The following MYL12B variants were observed in gnomAD, a reference collection of about 807,000 sequenced individuals.
MYL12B encodes the protein myosin regulatory light chain 12B.
A neutral mutation model predicts 12.9 loss-of-function variants in MYL12B; 3 were observed. That is an observed-to-expected ratio of 0.23 (90% CI 0.11 to 0.60). The LOEUF (loss-of-function observed/expected upper bound fraction) is 0.60. MYL12B is among the 20% of genes least tolerant of loss of function. MYL12B has a pLI of 0.89. For missense variants in MYL12B, 120 were observed against 215.4 expected (o/e 0.56, Z 2.77); for synonymous variants, 57 against 71.9 (o/e 0.79, Z 1.05).
intron 1 of MYL12B, among the ~76,000 whole-genome samples, chr18:3,266,116 A>G (rs1389394740): frequency 1.3e-5 from 2 of 152,058 alleles, no homozygotes; most frequent in African/African-American, 2.4e-5. Flanking sequence ...ACAATGAACA[A>G]TTTTTGAGGG....
intron 2 of MYL12B, chr18:3,277,038 C>T: frequency 1.0e-6 from 1 of 969,418 alleles, no homozygotes; most frequent in Non-Finnish European, 1.2e-6. Context: ...AATAAATAAC[C>T]TTCAATATAA....
At chr18:3,270,942 G>T (rs1159640685) in intron 1 of MYL12B, among the ~76,000 whole-genome samples, 1 of 152,196 alleles carries the variant, frequency 6.6e-6, no homozygotes, top group Non-Finnish European at 1.5e-5. Flanking sequence ...AAAGTGTTGA[G>T]ATTATAGGTG....
intron 2 of MYL12B, 42 bp from the exon 3 acceptor site, chr18:3,277,211 A>C: frequency 6.8e-7 from 1 of 1,472,116 alleles, no homozygotes; most frequent in Non-Finnish European, 9.1e-7. Context: ...TATTGAAATT[A>C]AATGTTTTTG....
intron 1 of MYL12B, 121 bp from the exon 2 acceptor site, chr18:3,272,763 A>T: frequency 2.2e-6 from 2 of 906,922 alleles, no homozygotes; most frequent in East Asian, 5.5e-5. Context: ...TTCCTACCCA[A>T]TTGAAGTAAT....
At chr18:3,273,479 A>T (rs1437691678) in intron 2 of MYL12B, among the ~76,000 whole-genome samples, 1 of 152,202 alleles carries the variant, frequency 6.6e-6, no homozygotes, top group Non-Finnish European at 1.5e-5. Flanking sequence ...AAGGAGGGGC[A>T]GTGCGACTGG....
intron 1 of MYL12B, among the ~76,000 whole-genome samples, chr18:3,264,772 C>CAA (rs1178805777): frequency 6.6e-6 from 1 of 152,062 alleles, no homozygotes; most frequent in African/African-American, 2.4e-5. Flanking sequence ...ATAAGAAGTT[C>CAA]AAAAACAAAA....
chr18:3,277,951 A>G lies in MYL12B; in HGVS notation c.*14A>G, dbSNP rs1440242782. 6.2e-7 allele frequency: 1 copy of G among 1,611,514 alleles called. No individual in the cohort carries two copies. The highest frequency in any genetic ancestry group is 1.3e-5 in the African/African-American group (1 of 74,942). ...AAAGATGACTGAAAGAACTTTAGCT[A>G]AAATCTTCCAGTTACATTGTCTTAC... On this transcript the variant is annotated 3_prime_UTR_variant, in exon 4 of 4. Transcript: ENST00000237500.
chr18:3,264,375 C>G (rs1478462100), intron 1 of MYL12B, among the ~76,000 whole-genome samples: 1 of 152,140 alleles, frequency 6.6e-6, no homozygotes, highest in African/African-American at 2.4e-5. Flanking sequence ...CTGCTAAGTT[C>G]TGCAGTCCAA....
intron 1 of MYL12B, among the ~76,000 whole-genome samples, chr18:3,272,583 C>G (rs1380616429): frequency 6.6e-6 from 1 of 152,162 alleles, no homozygotes; most frequent in Non-Finnish European, 1.5e-5. Context: ...AGGCAAGTCT[C>G]GAACTCCTAG....
At chr18:3,265,961 G>C (rs1202656610) in intron 1 of MYL12B, among the ~76,000 whole-genome samples, 4 of 152,152 alleles carry the variant, frequency 2.6e-5, no homozygotes, top group Non-Finnish European at 1.5e-5. Flanking sequence ...AAATTTGACT[G>C]CGGTCCCTTG....
At chr18:3,262,768 A>G (rs34603712) in intron 1 of MYL12B, 87,349 of 152,426 alleles carry the variant, frequency 0.57, 28,267 homozygotes, top group Non-Finnish European at 0.72. Context: ...TGAAGCCTCC[A>G]AGGAAGCCAT....
intron 2 of MYL12B, among the ~76,000 whole-genome samples, chr18:3,275,721 T>G (rs888507237): frequency 2.6e-5 from 4 of 152,220 alleles, no homozygotes; most frequent in Non-Finnish European, 5.9e-5. Context: ...TTTAAATCCC[T>G]GTAACTTTTT....
intron 1 of MYL12B, among the ~76,000 whole-genome samples, chr18:3,269,534 T>G (rs1215809345): frequency 8.6e-5 from 13 of 151,758 alleles, no homozygotes; most frequent in Admixed American, 6.6e-4. Context: ...AGGGGAGAGA[T>G]AATTGAGTTT....
At chr18:3,272,187 T>A in intron 1 of MYL12B, 1 of 978,456 alleles carries the variant, frequency 1.0e-6, no homozygotes, top group South Asian at 4.7e-5. Context: ...TGACTAGTCT[T>A]TTTACATATG....
intron 1 of MYL12B, among the ~76,000 whole-genome samples, chr18:3,267,397 A>G (rs931168511): frequency 3.9e-5 from 6 of 152,240 alleles, no homozygotes; most frequent in African/African-American, 1.2e-4. Context: ...TGAAGTATAT[A>G]GACAATTTCT....
rs530928988 is a variant in MYL12B at position 3,270,453 on chromosome 18, G to GT, written c.-15-2430dup. Among the ~76,000 whole-genome samples the GT allele has an allele frequency of 3.2e-3, 486 of 152,060 alleles. 1 individual carries two copies. Among genetic ancestry groups the GT allele is most frequent in the Non-Finnish European group, 5.1e-3 (349 of 68,004 alleles). Reference sequence around the variant, plus strand: ...CTTGCCTTCTGTTTCCTTCTCTTGGGTGTCACCATCAGATGGTGATGGCTC... The same window carrying GT: ...CTTGCCTTCTGTTTCCTTCTCTTGGGTTGTCACCATCAGATGGTGATGGCTC... On this transcript the variant is annotated intron_variant, in intron 1 of 3. Coordinates refer to ENST00000237500, the MANE Select transcript of MYL12B (RefSeq NM_033546.4).
chr18:3,272,473 C>T (rs1414927789), intron 1 of MYL12B, among the ~76,000 whole-genome samples: 1 of 152,218 alleles, frequency 6.6e-6, no homozygotes, highest in African/African-American at 2.4e-5. Context: ...TAAATTCTCA[C>T]TTCATAAAAA....
At position 3,273,118 on chromosome 18, in the gene MYL12B, A is replaced by T. The variant is rs1158993442; in HGVS notation, c.184+36A>T. On this transcript the variant is annotated intron_variant, in intron 2 of 3. Coordinates refer to ENST00000237500, the MANE Select transcript of MYL12B (RefSeq NM_033546.4). ...TATTCTTTATTTGTATTTTCCCTAAAATAATAATTTGTCTCTTTATGAATC... is the reference window on the plus strand; with the variant it reads ...TATTCTTTATTTGTATTTTCCCTAATATAATAATTTGTCTCTTTATGAATC... 3 of 1,521,122 alleles carry T rather than the reference A, an allele frequency of 2.0e-6. No individual in the cohort carries two copies. The African/African-American group carries it at 4.2e-5, about 21-fold the overall frequency. The allele number at this position is 1,521,122 out of a possible 1,614,324, so 94.2% of individuals were successfully genotyped here. A position where few individuals can be genotyped will look rare whatever the true frequency, so the allele number is the denominator to read the frequency against.
At chr18:3,268,761 A>G (rs568936088) in intron 1 of MYL12B, among the ~76,000 whole-genome samples, 1 of 152,352 alleles carries the variant, frequency 6.6e-6, no homozygotes, top group South Asian at 2.1e-4. Context: ...TAGAAAATAT[A>G]CAAGGAGAAA....
Sources: gnomAD v4.1 joint callset for allele counts (sites outside exome capture counted in the v4.1 genomes callset) on GRCh38, gnomAD v4.1.1 for gene constraint, MANE v1.5 for transcripts, NCBI Gene and HGNC (gene_info 2026-07-23, HGNC 2026-07-21) for gene names.